Variants in AUTS2 observed in about 807,000 individuals in gnomAD.
The protein encoded by AUTS2 is activator of transcription and developmental regulator AUTS2.
AUTS2 carries 17 observed loss-of-function variants against 112.4 expected under a neutral mutation model. The ratio of observed to expected loss-of-function variants is 0.15; its 90% confidence interval spans 0.10 to 0.23. The LOEUF (loss-of-function observed/expected upper bound fraction) is 0.23, where lower values mean the gene tolerates loss of function less well. Ranked by LOEUF, AUTS2 falls within the 10% of genes least tolerant of loss-of-function variation. The pLI is 1.00. For synonymous variants in AUTS2, 751 were observed against 702.7 expected, an observed-to-expected ratio of 1.07 and a Z score of -1.09; for missense variants, 1,510 against 1,701.6, an observed-to-expected ratio of 0.89 and a Z score of 1.98.
At chr7:70,104,820 A>C (rs1584728491) in intron 2 of AUTS2, among the ~76,000 whole-genome samples, 1 of 151,882 alleles carries the variant, frequency 6.6e-6, no homozygotes, top group African/African-American at 2.4e-5. Context: ...CACTGCATAT[A>C]TTTTGTGTTC....
At chr7:70,301,487 T>C (rs1789209621) in intron 4 of AUTS2, among the ~76,000 whole-genome samples, 1 of 152,190 alleles carries the variant, frequency 6.6e-6, no homozygotes, top group African/African-American at 2.4e-5. Context: ...AAAAAAGCTC[T>C]CTTAAAATAG....
At chr7:69,763,497 T>C (rs1788282817) in intron 1 of AUTS2, among the ~76,000 whole-genome samples, 1 of 152,218 alleles carries the variant, frequency 6.6e-6, no homozygotes, top group Non-Finnish European at 1.5e-5. Flanking sequence ...TTGAAATGGC[T>C]CCATCTCTAG....
chr7:70,035,881 A>G (rs144746902), intron 2 of AUTS2, among the ~76,000 whole-genome samples: 1 of 152,326 alleles, frequency 6.6e-6, no homozygotes, highest in African/African-American at 2.4e-5. Flanking sequence ...TATGTCAACT[A>G]TGAGGCAAGC....
intron 1 of AUTS2, among the ~76,000 whole-genome samples, chr7:69,863,642 T>A (rs935744259): frequency 1.3e-5 from 2 of 152,228 alleles, no homozygotes; most frequent in African/African-American, 4.8e-5. Context: ...TTATTCTGAA[T>A]CTATGTGTTA....
chr7:70,271,496 A>G lies in AUTS2; in HGVS notation c.660+136925A>G, dbSNP rs143901729. Among the ~76,000 whole-genome samples the G allele has an allele frequency of 6.6e-5, 10 of 152,298 alleles. No individual in the cohort carries two copies. The East Asian group carries it at 1.9e-3, about 29-fold the overall frequency. On this transcript the variant is annotated intron_variant, in intron 4 of 18. Coordinates refer to ENST00000342771, the MANE Select transcript of AUTS2 (RefSeq NM_015570.4). Reference sequence around the variant, plus strand: ...TTATTGTAATTACGGAAATTGATAAAAATACCATGACAATTTCATGCCTCA... The same window carrying G: ...TTATTGTAATTACGGAAATTGATAAGAATACCATGACAATTTCATGCCTCA...
chr7:70,508,328 G>T (rs1241975898), intron 5 of AUTS2, among the ~76,000 whole-genome samples: 1 of 152,148 alleles, frequency 6.6e-6, no homozygotes, highest in Non-Finnish European at 1.5e-5. Context: ...GGAGGGTGCA[G>T]AATAGTAGCC....
chr7:69,942,888 C>G (rs1351697766), intron 2 of AUTS2, among the ~76,000 whole-genome samples: 1 of 152,204 alleles, frequency 6.6e-6, no homozygotes, highest in Non-Finnish European at 1.5e-5. Context: ...CAATAGAAAA[C>G]TGACACTAGA....
At chr7:70,579,072 G>A (rs534415705) in intron 5 of AUTS2, among the ~76,000 whole-genome samples, 4 of 150,340 alleles carry the variant, frequency 2.7e-5, no homozygotes, top group African/African-American at 7.3e-5. Context: ...GGGATTACAG[G>A]CACATGCCAC....
At chr7:69,623,228 G>T (rs1348951664) in intron 1 of AUTS2, among the ~76,000 whole-genome samples, 3 of 151,770 alleles carry the variant, frequency 2.0e-5, no homozygotes, top group Admixed American at 6.6e-5. Context: ...TTCTTTTTGG[G>T]GTTTGTGACA....
chr7:70,188,246 G>T (rs1809707395), intron 4 of AUTS2, among the ~76,000 whole-genome samples: 1 of 152,170 alleles, frequency 6.6e-6, no homozygotes, highest in Admixed American at 6.5e-5. Flanking sequence ...TGAGGATAGG[G>T]TTTTATCATT....
intron 4 of AUTS2, among the ~76,000 whole-genome samples, chr7:70,340,426 T>C (rs1464786): frequency 0.29 from 44,495 of 151,960 alleles, 6,823 homozygotes; most frequent in African/African-American, 0.38. Context: ...AATCTCACTA[T>C]TTATTTCACA....
chr7:70,721,596 G>A (rs146823375), intron 6 of AUTS2, among the ~76,000 whole-genome samples: 24 of 152,236 alleles, frequency 1.6e-4, no homozygotes, highest in African/African-American at 5.3e-4. Context: ...GTGCCTACCT[G>A]ACATTGTCTG....
chr7:70,171,910 G>A (rs1808717945), intron 4 of AUTS2, among the ~76,000 whole-genome samples: 1 of 151,388 alleles, frequency 6.6e-6, no homozygotes, highest in South Asian at 2.1e-4. Flanking sequence ...TTTTTTGGGG[G>A]GGGGTAGTTT....
chr7:69,807,434 G>T (rs2129344760), intron 1 of AUTS2, among the ~76,000 whole-genome samples: 1 of 152,182 alleles, frequency 6.6e-6, no homozygotes, highest in South Asian at 2.1e-4. Context: ...GACTTATCTG[G>T]GTAGTTCTTG....
chr7:70,645,543 G>T (rs1046126810), intron 5 of AUTS2, among the ~76,000 whole-genome samples: 4 of 152,078 alleles, frequency 2.6e-5, no homozygotes, highest in African/African-American at 9.7e-5. Context: ...GCTAAGTGTG[G>T]TTTTTTCCCA....
At chr7:70,759,312 G>T (rs59398585) in intron 6 of AUTS2, among the ~76,000 whole-genome samples, 5,983 of 152,216 alleles carry the variant, frequency 0.039, 213 homozygotes, top group African/African-American at 0.087. Context: ...ACTTCTCTGG[G>T]CATATTCCCT....
chr7:70,488,537 C>G (rs1171564584), intron 5 of AUTS2, among the ~76,000 whole-genome samples: 1 of 152,082 alleles, frequency 6.6e-6, no homozygotes. Flanking sequence ...GTTCTTTCTC[C>G]TCAGTCAGAC....
chr7:69,778,573 T>G (rs185701690), intron 1 of AUTS2, among the ~76,000 whole-genome samples: 27 of 152,218 alleles, frequency 1.8e-4, no homozygotes, highest in Admixed American at 3.3e-4. Context: ...TTCAGAGATA[T>G]GATGTTACCA....
At chr7:70,355,331 A>G (rs1791957009) in intron 4 of AUTS2, among the ~76,000 whole-genome samples, 1 of 152,064 alleles carries the variant, frequency 6.6e-6, no homozygotes, top group Non-Finnish European at 1.5e-5. Flanking sequence ...GGAAAGATGA[A>G]ACACTGACAT....
Sources: gnomAD v4.1 joint callset for allele counts (sites outside exome capture counted in the v4.1 genomes callset) on GRCh38, gnomAD v4.1.1 for gene constraint, MANE v1.5 for transcripts, NCBI Gene and HGNC (gene_info 2026-07-23, HGNC 2026-07-21) for gene names.